The following CNTN5 variants were observed in gnomAD, a reference collection of about 807,000 sequenced individuals.
The protein encoded by CNTN5 is contactin-5.
Under a neutral mutation model 129.1 loss-of-function variants are expected in CNTN5, and 77 were observed. That is an observed-to-expected ratio of 0.60 (90% confidence interval 0.50 to 0.72). CNTN5 has a LOEUF of 0.72. Among genes scored for constraint, CNTN5 ranks in the 30% least tolerant of loss-of-function variants. CNTN5 has a pLI of 0.00. For synonymous variants in CNTN5, 509 were observed against 465.6 expected (o/e 1.09, Z -1.20); for missense variants, 1,478 against 1,328.8 (o/e 1.11, Z -1.75).
chr11:100,050,650 G>C (rs916679390), intron 9 of CNTN5, among the ~76,000 whole-genome samples: 1 of 150,648 alleles, frequency 6.6e-6, no homozygotes, highest in Non-Finnish European at 1.5e-5. Flanking sequence ...AAAAAGAAAT[G>C]AGAAAAAAAA....
At chr11:99,175,688 T>A (rs935270741) in intron 1 of CNTN5, among the ~76,000 whole-genome samples, 1 of 152,138 alleles carries the variant, frequency 6.6e-6, no homozygotes, top group Non-Finnish European at 1.5e-5. Flanking sequence ...ACTTTCCCTA[T>A]TGATGGACCT....
At chr11:99,813,913 A>G (rs779211473) in intron 3 of CNTN5, among the ~76,000 whole-genome samples, 8 of 152,170 alleles carry the variant, frequency 5.3e-5, no homozygotes, top group South Asian at 4.1e-4. Context: ...AAGAGATCTT[A>G]TAAAAGTTCA....
chr11:99,205,728 C>T (rs905860772), intron 1 of CNTN5, among the ~76,000 whole-genome samples: 2 of 152,086 alleles, frequency 1.3e-5, no homozygotes, highest in African/African-American at 2.4e-5. Context: ...ATTAGCTTGA[C>T]TGTAGTAAAC....
intron 3 of CNTN5, among the ~76,000 whole-genome samples, chr11:99,787,827 G>T (rs751143697): frequency 6.6e-6 from 1 of 151,808 alleles, no homozygotes; most frequent in African/African-American, 2.4e-5. Context: ...ATTCTATAAG[G>T]CTTAAATTCC....
At chr11:99,627,884 T>A (rs1951187674) in intron 3 of CNTN5, among the ~76,000 whole-genome samples, 1 of 150,736 alleles carries the variant, frequency 6.6e-6, no homozygotes, top group African/African-American at 2.4e-5. Context: ...TGTTCCTAGG[T>A]TTGTTGACCA....
rs1952051552 is a variant in CNTN5, at chr11:99,648,652, GA to G, written c.55+92385del. On this transcript the variant is annotated intron_variant, in intron 3 of 24. Coordinates refer to ENST00000524871, the MANE Select transcript of CNTN5 (RefSeq NM_014361.4). ...CACTATTCACAATAGCCAAAATATGGAATCAACCCAAATGTCCAAGAGGAAA... is the reference window on the plus strand; with the variant it reads ...CACTATTCACAATAGCCAAAATATGGATCAACCCAAATGTCCAAGAGGAAA... Among the ~76,000 whole-genome samples, 13 of 151,918 alleles carry G rather than the reference GA, an allele frequency of 8.6e-5. No individual in the cohort carries two copies. The South Asian group carries it at 2.7e-3, about 31-fold the overall frequency.
At chr11:99,260,344 T>G (rs1341165550) in intron 1 of CNTN5, among the ~76,000 whole-genome samples, 1 of 151,822 alleles carries the variant, frequency 6.6e-6, no homozygotes, top group South Asian at 2.1e-4. Context: ...TCTTTACACA[T>G]GTACAATGCC....
At chr11:99,424,963 G>T (rs1943054149) in intron 2 of CNTN5, among the ~76,000 whole-genome samples, 1 of 152,154 alleles carries the variant, frequency 6.6e-6, no homozygotes, top group South Asian at 2.1e-4. Flanking sequence ...CCACAGGCAG[G>T]TTGTCCTGAT....
intron 1 of CNTN5, among the ~76,000 whole-genome samples, chr11:99,125,706 G>C (rs1218926577): frequency 6.6e-6 from 1 of 152,012 alleles, no homozygotes; most frequent in Non-Finnish European, 1.5e-5. Context: ...TGAAATTTTT[G>C]CTACAAAAAT....
chr11:100,112,297 G>T (rs735415), intron 13 of CNTN5, among the ~76,000 whole-genome samples: 19,428 of 152,088 alleles, frequency 0.13, 1,290 homozygotes, highest in East Asian at 0.19. Context: ...AACATGTTGA[G>T]GAATAAGGGG....
chr11:100,234,900 T>C (rs764916082), intron 16 of CNTN5, among the ~76,000 whole-genome samples: 25 of 151,650 alleles, frequency 1.6e-4, no homozygotes, highest in Non-Finnish European at 3.1e-4. Context: ...CTTCTCATTC[T>C]CTCATTTTTA....
At chr11:99,792,659 C>A (rs1269209163) in intron 3 of CNTN5, among the ~76,000 whole-genome samples, 1 of 151,432 alleles carries the variant, frequency 6.6e-6, no homozygotes, top group Admixed American at 6.6e-5. Context: ...GGAGTCCCTA[C>A]AACTCAACCT....
intron 13 of CNTN5, among the ~76,000 whole-genome samples, chr11:100,104,286 G>T (rs374164769): frequency 1.3e-3 from 195 of 151,972 alleles, no homozygotes; most frequent in African/African-American, 4.5e-3. Flanking sequence ...GTAGAGACAG[G>T]GTTTTGCCGT....
intron 1 of CNTN5, among the ~76,000 whole-genome samples, chr11:99,201,346 T>TTCCC (rs1190380145): frequency 2.6e-5 from 3 of 113,230 alleles, no homozygotes; most frequent in East Asian, 2.9e-4. Flanking sequence ...CCTTCCTTCC[T>TTCCC]TTCCTTTCCT....
At chr11:99,784,794 TG>T (rs1565528292) in intron 3 of CNTN5, among the ~76,000 whole-genome samples, 9 of 94,644 alleles carry the variant, frequency 9.5e-5, no homozygotes, top group Admixed American at 7.5e-4. Flanking sequence ...TATCTCATTG[TG>T]TTTTTTTTTT....
chr11:100,264,885 C>A (rs989203458), intron 17 of CNTN5, among the ~76,000 whole-genome samples: 2 of 152,130 alleles, frequency 1.3e-5, no homozygotes, highest in African/African-American at 2.4e-5. Context: ...CACAGCCTCA[C>A]CAACATCTGT....
At chr11:99,636,606 T>G (rs903882104) in intron 3 of CNTN5, among the ~76,000 whole-genome samples, 3 of 152,054 alleles carry the variant, frequency 2.0e-5, no homozygotes, top group African/African-American at 4.8e-5. Context: ...TTCCCTGGTG[T>G]CCTCCAGACC....
intron 2 of CNTN5, among the ~76,000 whole-genome samples, chr11:99,539,114 A>G (rs1319881629): frequency 1.3e-5 from 2 of 152,088 alleles, no homozygotes; most frequent in Non-Finnish European, 2.9e-5. Context: ...AGATAACTTG[A>G]ACTTCATACC....
At chr11:100,278,581 AGTTTCTTGATTTC>A in intron 18 of CNTN5, among the ~76,000 whole-genome samples, 1 of 151,914 alleles carries the variant, frequency 6.6e-6, no homozygotes, top group Non-Finnish European at 1.5e-5. Context: ...AAATAAGATA[AGTTTCTTGATTTC>A]TTTTTCAGAT....
Sources: allele counts gnomAD v4.1 joint callset (sites outside exome capture counted in the v4.1 genomes callset), GRCh38; gene constraint gnomAD v4.1.1; transcripts MANE v1.5; gene names NCBI Gene and HGNC (gene_info 2026-07-23, HGNC 2026-07-21).